Variants in AKT3 observed in about 807,000 individuals in gnomAD.
AKT3 encodes the protein AKT serine/threonine kinase 3, also known as RAC-gamma serine/threonine-protein kinase.
Under a neutral mutation model 65.3 loss-of-function variants are expected in AKT3, and 15 were observed. The observed-to-expected ratio is 0.23, with a 90% CI of 0.15 to 0.35. AKT3 has a LOEUF of 0.35. Ranked by LOEUF, AKT3 falls within the 10% of genes least tolerant of loss-of-function variation. AKT3 has a pLI of 1.00. For synonymous variants in AKT3, 206 were observed against 183.8 expected (o/e 1.12, Z -0.98); for missense variants, 243 against 576.5 (o/e 0.42, Z 5.92).
At chr1:243,594,746 T>A (rs1676476899) in intron 8 of AKT3, among the ~76,000 whole-genome samples, 1 of 152,136 alleles carries the variant, frequency 6.6e-6, no homozygotes, top group Admixed American at 6.5e-5. Context: ...GCTAATTTTT[T>A]AAATTTTTTA....
At chr1:243,516,175 A>G (rs1019114989) in intron 12 of AKT3, among the ~76,000 whole-genome samples, 14 of 152,204 alleles carry the variant, frequency 9.2e-5, no homozygotes, top group Non-Finnish European at 1.5e-5. Context: ...AACCACAACT[A>G]TAATTTCTTT....
At chr1:243,778,787 T>A (rs1328800606) in intron 2 of AKT3, among the ~76,000 whole-genome samples, 3 of 152,194 alleles carry the variant, frequency 2.0e-5, no homozygotes, top group African/African-American at 7.2e-5. Context: ...GCTTTCTGGA[T>A]AAAATATTAG....
At chr1:243,652,059 T>C (rs1188303212) in intron 4 of AKT3, among the ~76,000 whole-genome samples, 1 of 151,554 alleles carries the variant, frequency 6.6e-6, no homozygotes, top group Non-Finnish European at 1.5e-5. Context: ...TTTTTTTTTT[T>C]TTTTTCTGAG....
At chr1:243,512,562 C>A (rs1256520067) in intron 12 of AKT3, 136 bp from the exon 13 acceptor site, 1 of 592,738 alleles carries the variant, frequency 1.7e-6, no homozygotes, top group African/African-American at 1.9e-5. Flanking sequence ...GTAAGGGAGA[C>A]ATGATATTTG....
chr1:243,505,239 T>A lies in AKT3; in HGVS notation c.*10A>T, dbSNP rs764600594. The A allele has an allele frequency of 6.2e-7, 1 of 1,609,128 alleles. No homozygotes were observed. The highest frequency in any genetic ancestry group is 1.3e-5 in the African/African-American group (1 of 74,812). On this transcript the variant is annotated 3_prime_UTR_variant, in exon 14 of 14. Transcript: ENST00000673466. ...TGAAGATGACAGTGAAGTAGCAGAATGAAAGAGACTTATTCTCGTCCACTT... is the reference window on the plus strand; with the variant it reads ...TGAAGATGACAGTGAAGTAGCAGAAAGAAAGAGACTTATTCTCGTCCACTT...
intron 3 of AKT3, chr1:243,687,293 A>C (rs765860077): frequency 3.3e-5 from 5 of 152,134 alleles, no homozygotes; most frequent in Admixed American, 6.6e-5. Flanking sequence ...CAGAAAGTAA[A>C]GACTGTAACT....
intron 12 of AKT3, among the ~76,000 whole-genome samples, chr1:243,542,250 TGAAGG>T (rs1558601572): frequency 6.6e-6 from 1 of 152,164 alleles, no homozygotes; most frequent in Non-Finnish European, 1.5e-5. Context: ...CTTAAAAGCT[TGAAGG>T]TAGTTAAAGG....
intron 6 of AKT3, among the ~76,000 whole-genome samples, chr1:243,636,988 T>C (rs1343812645): frequency 1.3e-5 from 2 of 152,110 alleles, no homozygotes; most frequent in Non-Finnish European, 2.9e-5. Flanking sequence ...TTTATGTCAT[T>C]TGTTGAATTA....
chr1:243,612,469 G>A (rs910477625), intron 8 of AKT3: 1 of 151,616 alleles, frequency 6.6e-6, no homozygotes. Context: ...TAATTCTACA[G>A]GAAAAAAATT....
chr1:243,767,097 C>T (rs57824597), intron 2 of AKT3, among the ~76,000 whole-genome samples: 36,621 of 151,826 alleles, frequency 0.24, 4,918 homozygotes, highest in African/African-American at 0.34. Context: ...AGCAGAAGAG[C>T]TAAGAATTTG....
chr1:243,784,144 A>G (rs1324590644), intron 2 of AKT3, among the ~76,000 whole-genome samples: 1 of 152,232 alleles, frequency 6.6e-6, no homozygotes, highest in Non-Finnish European at 1.5e-5. Flanking sequence ...AAGATACTTT[A>G]GATTGGGTGT....
intron 6 of AKT3, among the ~76,000 whole-genome samples, chr1:243,634,172 GA>G (rs1679807006): frequency 1.3e-5 from 2 of 151,912 alleles, no homozygotes; most frequent in Admixed American, 1.3e-4. Context: ...ATCATCTCTA[GA>G]TTAGTTATCA....
intron 6 of AKT3, among the ~76,000 whole-genome samples, chr1:243,635,995 C>T (rs901197858): frequency 3.9e-5 from 6 of 151,964 alleles, no homozygotes; most frequent in Admixed American, 6.6e-5. Context: ...GTGAAATATA[C>T]GTAGTTCTGT....
intron 2 of AKT3, among the ~76,000 whole-genome samples, chr1:243,816,649 G>C (rs1313488678): frequency 6.6e-6 from 1 of 151,780 alleles, no homozygotes; most frequent in Non-Finnish European, 1.5e-5. Flanking sequence ...CAACACAAAG[G>C]CAGAACAAAA....
Position 243,649,922 on chromosome 1 carries a change from T to A in AKT3, c.285-3885A>T, listed in dbSNP as rs566344062. Reference sequence around the variant, plus strand: ...AGAATGATTTATAATCCTTTGGGTATATACCCACTAATGGGATTGCTAGGT... The same window carrying A: ...AGAATGATTTATAATCCTTTGGGTAAATACCCACTAATGGGATTGCTAGGT... On this transcript the variant is annotated intron_variant, in intron 4 of 13. Transcript: ENST00000673466. Among the ~76,000 whole-genome samples, 5 of 152,334 alleles carry A rather than the reference T, an allele frequency of 3.3e-5. No homozygotes were observed. The South Asian group carries it at 1.0e-3, about 32-fold the overall frequency.
chr1:243,726,685 A>G (rs533900465), intron 2 of AKT3, among the ~76,000 whole-genome samples: 5 of 152,214 alleles, frequency 3.3e-5, no homozygotes, highest in Non-Finnish European at 7.3e-5. Context: ...ACAGGAAGAA[A>G]AATGGACCAA....
At chr1:243,591,985 C>T (rs1375759606) in intron 8 of AKT3, among the ~76,000 whole-genome samples, 1 of 152,048 alleles carries the variant, frequency 6.6e-6, no homozygotes, top group Admixed American at 6.6e-5. Context: ...GAACAATATT[C>T]AAAAATTTTC....
At chr1:243,786,044 G>A (rs1279321839) in intron 2 of AKT3, among the ~76,000 whole-genome samples, 1 of 152,176 alleles carries the variant, frequency 6.6e-6, no homozygotes, top group African/African-American at 2.4e-5. Context: ...AGATCATTCT[G>A]AGCCTTAAAG....
chr1:243,507,321 C>A (rs1287526480), intron 13 of AKT3, among the ~76,000 whole-genome samples: 1 of 152,250 alleles, frequency 6.6e-6, no homozygotes, highest in Non-Finnish European at 1.5e-5. Flanking sequence ...GAGAGACAGC[C>A]TTCATTCTGT....
Sources: gnomAD v4.1 joint callset for allele counts (sites outside exome capture counted in the v4.1 genomes callset) on GRCh38, gnomAD v4.1.1 for gene constraint, MANE v1.5 for transcripts, NCBI Gene and HGNC (gene_info 2026-07-23, HGNC 2026-07-21) for gene names.